VAT1L: variants seen among roughly 807,000 people sequenced by gnomAD.
VAT1L encodes putative NADPH-dependent quinone oxidoreductase VAT1L.
VAT1L carries 34 observed loss-of-function variants against 44.1 expected under a neutral mutation model. That is an observed-to-expected ratio of 0.77 (90% confidence interval 0.59 to 1.03). The LOEUF is 1.03. Ranked by LOEUF, VAT1L falls within the 50% of genes least tolerant of loss-of-function variation. The probability of loss-of-function intolerance (pLI) is 0.00; values close to 1 mark genes in which losing one functional copy is unlikely to be tolerated. For missense variants in VAT1L, 615 were observed against 538.8 expected (o/e 1.14, Z -1.40); for synonymous variants, 253 against 202.2 (o/e 1.25, Z -2.13).
intron 4 of VAT1L, among the ~76,000 whole-genome samples, chr16:77,875,580 T>C (rs907445836): frequency 5.3e-5 from 8 of 152,142 alleles, no homozygotes; most frequent in African/African-American, 1.7e-4. Context: ...CCAGTAAAAG[T>C]TGCTTACATG....
chr16:77,867,926 G>A (rs574849331), intron 4 of VAT1L, among the ~76,000 whole-genome samples: 1 of 151,632 alleles, frequency 6.6e-6, no homozygotes, highest in South Asian at 2.1e-4. Flanking sequence ...TGGGAAATGG[G>A]TACACAATAT....
At chr16:77,937,513 C>T (rs2017816938) in intron 7 of VAT1L, among the ~76,000 whole-genome samples, 1 of 152,186 alleles carries the variant, frequency 6.6e-6, no homozygotes, top group Admixed American at 6.5e-5. Flanking sequence ...TGTGGCCGAG[C>T]TGTTTTATTT....
At chr16:77,930,842 A>G (rs975989559) in intron 7 of VAT1L, among the ~76,000 whole-genome samples, 2 of 152,218 alleles carry the variant, frequency 1.3e-5, no homozygotes, top group East Asian at 3.9e-4. Context: ...GGAGAAAAGC[A>G]GGCTGTTCTC....
At chr16:77,873,174 TAAACTC>T (rs1291264937) in intron 4 of VAT1L, among the ~76,000 whole-genome samples, 4 of 152,240 alleles carry the variant, frequency 2.6e-5, no homozygotes, top group Non-Finnish European at 2.9e-5. Context: ...TATTAAGTCT[TAAACTC>T]AGACTGGTGA....
At chr16:77,877,320 C>G (rs1249739898) in intron 5 of VAT1L, among the ~76,000 whole-genome samples, 1 of 151,904 alleles carries the variant, frequency 6.6e-6, no homozygotes, top group Admixed American at 6.6e-5. Flanking sequence ...ACCATCCTGG[C>G]TAACATGGTG....
In VAT1L at chr16:77,825,186, C is replaced by G; in HGVS notation, c.364-60C>G. ...CTGGCCAGCTCCCAGTAATTCTGTTCTCTCCTTGAGCCTCTGTCATGAGGT... is the reference window on the plus strand; with the variant it reads ...CTGGCCAGCTCCCAGTAATTCTGTTGTCTCCTTGAGCCTCTGTCATGAGGT... On this transcript the variant is annotated intron_variant, in intron 2 of 8. Transcript: ENST00000302536. 3.8e-6 allele frequency: 6 copies of G among 1,589,284 alleles called. No homozygotes were observed. In the Admixed American group the frequency reaches 5.0e-5, roughly 13 times the overall value.
intron 5 of VAT1L, 113 bp downstream of exon 5, chr16:77,876,586 G>T: frequency 7.9e-6 from 7 of 880,602 alleles, no homozygotes; most frequent in East Asian, 2.5e-5. Context: ...TGGGATGGGG[G>T]TGTTTCATTT....
chr16:77,853,782 G>A (rs1351356405), intron 3 of VAT1L, among the ~76,000 whole-genome samples: 1 of 151,904 alleles, frequency 6.6e-6, no homozygotes, highest in African/African-American at 2.4e-5. Context: ...ATGAATAAAA[G>A]AGAAAAAAAT....
At chr16:77,939,913 A>G (rs1275671813) in intron 7 of VAT1L, among the ~76,000 whole-genome samples, 1 of 152,190 alleles carries the variant, frequency 6.6e-6, no homozygotes, top group African/African-American at 2.4e-5. Flanking sequence ...CTTTATATAC[A>G]ATGATCAATT....
At chr16:77,965,515 T>A (rs1044417393) in intron 7 of VAT1L, among the ~76,000 whole-genome samples, 3 of 152,140 alleles carry the variant, frequency 2.0e-5, no homozygotes, top group African/African-American at 7.2e-5. Context: ...ATTTCCTCCC[T>A]CCACTGTCTG....
intron 8 of VAT1L, among the ~76,000 whole-genome samples, chr16:77,974,851 G>C (rs2018318643): frequency 6.6e-6 from 1 of 152,088 alleles, no homozygotes; most frequent in Admixed American, 6.6e-5. Flanking sequence ...TTATAGACAT[G>C]AGACACTGTA....
chr16:77,902,525 A>G lies in VAT1L; in HGVS notation c.1077+17723A>G, dbSNP rs115122096. On this transcript the variant is annotated intron_variant, in intron 7 of 8. Transcript: ENST00000302536. ...AGAATTAAAATCAAAACCAATTTAA[A>G]TACTTTAAAAGGGAATTTAAATGCC... is the stretch of plus-strand genomic sequence containing the variant. Among the ~76,000 whole-genome samples, 1,204 of 152,306 alleles carry G rather than the reference A, an allele frequency of 7.9e-3. 17 individuals carry two copies. Among genetic ancestry groups the G allele is most frequent in the African/African-American group, 0.028 (1,151 of 41,554 alleles).
Position 77,807,004 on chromosome 16 carries a change from C to G in VAT1L, c.234-9917C>G, listed in dbSNP as rs74029410. ...AGCACCTGATCCCAGCAGGTTCTTT[C>G]CCCTCCCTCTCATTCTTTCAGGTTT... On this transcript the variant is annotated intron_variant, in intron 1 of 8. Transcript: ENST00000302536. Among the ~76,000 whole-genome samples the G allele has an allele frequency of 8.3e-3, 1,271 of 152,260 alleles. 20 individuals carry two copies. Among genetic ancestry groups the G allele is most frequent in the African/African-American group, 0.03 (1,227 of 41,536 alleles).
At chr16:77,821,865 A>G (rs1250242796) in intron 2 of VAT1L, among the ~76,000 whole-genome samples, 1 of 152,148 alleles carries the variant, frequency 6.6e-6, no homozygotes, top group Non-Finnish European at 1.5e-5. Flanking sequence ...TTTTGGAGAA[A>G]AGAACATTTG....
At chr16:77,930,299 C>A (rs970008288) in intron 7 of VAT1L, among the ~76,000 whole-genome samples, 2 of 152,178 alleles carry the variant, frequency 1.3e-5, no homozygotes, top group African/African-American at 4.8e-5. Context: ...CTAGGTCTCT[C>A]CCATGAGTAT....
intron 4 of VAT1L, among the ~76,000 whole-genome samples, chr16:77,871,566 G>A (rs1261656738): frequency 1.3e-5 from 2 of 152,248 alleles, no homozygotes; most frequent in Non-Finnish European, 2.9e-5. Context: ...TTCTAGATGT[G>A]ATGGAACAAA....
chr16:77,883,931 C>T (rs1423514879), intron 6 of VAT1L, among the ~76,000 whole-genome samples: 1 of 152,156 alleles, frequency 6.6e-6, no homozygotes, highest in African/African-American at 2.4e-5. Context: ...TTAACAACCC[C>T]ATCATCACCA....
At chr16:77,913,952 G>C (rs2017524822) in intron 7 of VAT1L, among the ~76,000 whole-genome samples, 1 of 152,146 alleles carries the variant, frequency 6.6e-6, no homozygotes, top group South Asian at 2.1e-4. Flanking sequence ...CAACAACATT[G>C]ACTGATAAAA....
At chr16:77,915,369 A>G (rs897316195) in intron 7 of VAT1L, among the ~76,000 whole-genome samples, 4 of 152,250 alleles carry the variant, frequency 2.6e-5, no homozygotes, top group African/African-American at 9.6e-5. Context: ...GTCAGTTATT[A>G]AACATTTATC....
Sources: gnomAD v4.1 joint callset for allele counts (sites outside exome capture counted in the v4.1 genomes callset) on GRCh38, gnomAD v4.1.1 for gene constraint, MANE v1.5 for transcripts, NCBI Gene and HGNC (gene_info 2026-07-23, HGNC 2026-07-21) for gene names.